Variants in DACH1 observed in about 807,000 individuals in gnomAD.
The protein encoded by DACH1 is dachshund homolog 1.
Under a neutral mutation model 54.2 loss-of-function variants are expected in DACH1, and 12 were observed. That is an observed-to-expected ratio of 0.22 (90% confidence interval 0.14 to 0.36). The LOEUF (loss-of-function observed/expected upper bound fraction) is 0.36, where lower values mean the gene tolerates loss of function less well. Among genes scored for constraint, DACH1 ranks in the 10% least tolerant of loss-of-function variants. The pLI, the probability that DACH1 is intolerant of heterozygous loss-of-function variation, is 1.00. For missense variants in DACH1, 805 were observed against 929.8 expected (o/e 0.87, Z 1.75); for synonymous variants, 386 against 366.2 (o/e 1.05, Z -0.62).
At chr13:71,723,520 G>T (rs567869940) in intron 1 of DACH1, among the ~76,000 whole-genome samples, 1 of 152,194 alleles carries the variant, frequency 6.6e-6, no homozygotes, top group South Asian at 2.1e-4. Flanking sequence ...CAAATAAATA[G>T]GTACCTGAAC....
At chr13:71,668,616 A>T (rs528155183) in intron 2 of DACH1, among the ~76,000 whole-genome samples, 79 of 150,186 alleles carry the variant, frequency 5.3e-4, no homozygotes, top group African/African-American at 1.5e-3. Context: ...ACAAAACAAA[A>T]TTTTTTTTTT....
At chr13:71,706,708 T>C (rs1055687214) in intron 1 of DACH1, among the ~76,000 whole-genome samples, 1 of 152,178 alleles carries the variant, frequency 6.6e-6, no homozygotes, top group Non-Finnish European at 1.5e-5. Context: ...ATCTATTTTT[T>C]TCAGACCAAA....
In DACH1 at chr13:71,572,886, G is replaced by A. The variant is rs989686557; in HGVS notation, c.1253C>T (p.Ala418Val). 1.2e-6 allele frequency: 2 copies of A among 1,613,860 alleles called. No homozygotes were observed. Among genetic ancestry groups the A allele is most frequent in the Non-Finnish European group, 1.7e-6 (2 of 1,179,852 alleles). ...TCTGGATGGGGGACTCTGAACTTGT[G>A]CTGCTGCTGCCATATTTGCAATGGT... ...LSTIANMAAA[A>V]QVQSPPSRVE... The change falls in exon 4 of 11, where the codon GCA (alanine) becomes GTA (valine). Residue 418 changes from alanine (A) to valine (V), a missense_variant. Physicochemically the swap from Ala to Val is moderately conservative, Grantham distance 64 (BLOSUM62 0). Transcript: ENST00000613252.
chr13:71,503,159 C>CA (rs1880055261), intron 6 of DACH1, among the ~76,000 whole-genome samples: 1 of 152,076 alleles, frequency 6.6e-6, no homozygotes, highest in African/African-American at 2.4e-5. Context: ...CAACTGATTA[C>CA]AAGTATATAT....
At chr13:71,712,288 A>C (rs1248716229) in intron 1 of DACH1, among the ~76,000 whole-genome samples, 1 of 151,922 alleles carries the variant, frequency 6.6e-6, no homozygotes. Flanking sequence ...TTTTTTTTGA[A>C]TATCAATTCA....
chr13:71,832,161 A>AT (rs1204707728), intron 1 of DACH1, among the ~76,000 whole-genome samples: 1 of 151,920 alleles, frequency 6.6e-6, no homozygotes, highest in East Asian at 1.9e-4. Flanking sequence ...TCTTTCTAAG[A>AT]TTTTCTCGTT....
intron 3 of DACH1, among the ~76,000 whole-genome samples, chr13:71,583,540 A>G (rs535484226): frequency 1.2e-4 from 18 of 152,262 alleles, no homozygotes; most frequent in African/African-American, 3.4e-4. Flanking sequence ...AAATCTACCT[A>G]TTAAAAATAA....
intron 6 of DACH1, among the ~76,000 whole-genome samples, chr13:71,510,088 A>C (rs995156480): frequency 6.6e-6 from 1 of 151,964 alleles, no homozygotes; most frequent in African/African-American, 2.4e-5. Flanking sequence ...CATTCTTGAC[A>C]CCCTTTCTTA....
chr13:71,864,386 A>G (rs1214935951), intron 1 of DACH1, among the ~76,000 whole-genome samples: 2 of 152,104 alleles, frequency 1.3e-5, no homozygotes, highest in Non-Finnish European at 2.9e-5. Context: ...CTAACAGAGA[A>G]GAAGTCTTTC....
chr13:71,496,306 T>TATATATATATATATATATAC (rs1217159359), intron 6 of DACH1, among the ~76,000 whole-genome samples: 1 of 46,114 alleles, frequency 2.2e-5, no homozygotes, highest in Non-Finnish European at 4.2e-5. Flanking sequence ...TATATATATA[T>TATATATATATATATATATAC]ACACACACAA....
intron 3 of DACH1, among the ~76,000 whole-genome samples, chr13:71,605,861 T>C (rs1874843421): frequency 6.6e-6 from 1 of 151,972 alleles, no homozygotes; most frequent in Non-Finnish European, 1.5e-5. Context: ...TTGTTGAACA[T>C]TGCTGATGAA....
At chr13:71,458,220 T>G (rs1875756394) in intron 10 of DACH1, among the ~76,000 whole-genome samples, 1 of 151,946 alleles carries the variant, frequency 6.6e-6, no homozygotes, top group Non-Finnish European at 1.5e-5. Flanking sequence ...AGGCCAGATT[T>G]TAACTTTAAT....
chr13:71,557,082 C>G lies in DACH1; in HGVS notation c.1512G>C (p.Glu504Asp), dbSNP rs184827046. 83 of 1,611,634 alleles carry G rather than the reference C, an allele frequency of 5.2e-5. No homozygotes were observed. Among genetic ancestry groups the G allele is most frequent in the Admixed American group, 3.7e-4 (22 of 59,720 alleles). Residue 504 changes from glutamate to aspartate, a missense_variant, in exon 6 of 11, where the codon GAG becomes GAC. Glu to Asp is a conservative substitution (Grantham distance 45). This residue lies in a region of DACH1 where 472 missense variants were observed against 545.3 expected (regional missense o/e 0.87). Coordinates refer to ENST00000613252, the MANE Select transcript of DACH1 (RefSeq NM_080759.6). ...CCATGTCATGACCGGCCAAATCTCC[C>G]TCTTTGGGCCCAGGAAGTACATTTG... ...LSPNVLPGPKEGDLAGHDMGH... is the reference protein window; with the variant it reads ...LSPNVLPGPKDGDLAGHDMGH...
chr13:71,801,518 C>A (rs1461891798), intron 1 of DACH1, among the ~76,000 whole-genome samples: 1 of 152,044 alleles, frequency 6.6e-6, no homozygotes, highest in Admixed American at 6.6e-5. Flanking sequence ...TTTAGAACAT[C>A]ATGATTCATT....
chr13:71,726,282 TATC>T (rs1490596115), intron 1 of DACH1, among the ~76,000 whole-genome samples: 18 of 152,158 alleles, frequency 1.2e-4, no homozygotes, highest in Admixed American at 2.0e-4. Flanking sequence ...TAGGCACTAG[TATC>T]ATTACTGAGA....
chr13:71,565,903 T>C (rs536281698), intron 4 of DACH1, among the ~76,000 whole-genome samples: 4 of 152,182 alleles, frequency 2.6e-5, no homozygotes, highest in African/African-American at 9.6e-5. Context: ...TAATATAAAT[T>C]TGCTTTAAGC....
intron 1 of DACH1, among the ~76,000 whole-genome samples, chr13:71,744,464 G>C (rs1884525551): frequency 6.6e-6 from 1 of 152,184 alleles, no homozygotes; most frequent in South Asian, 2.1e-4. Context: ...GAGGACGGTA[G>C]AGCCAGAAGT....
At chr13:71,865,470 A>G (rs1461345280) in intron 1 of DACH1, among the ~76,000 whole-genome samples, 3 of 152,052 alleles carry the variant, frequency 2.0e-5, no homozygotes, top group Non-Finnish European at 4.4e-5. Context: ...GCTCGGCGCC[A>G]CAGATCAGCC....
intron 1 of DACH1, among the ~76,000 whole-genome samples, chr13:71,807,385 T>C (rs1887543871): frequency 6.9e-6 from 1 of 144,938 alleles, no homozygotes; most frequent in South Asian, 2.1e-4. Context: ...CCCCTGTCAT[T>C]TTATAACGTT....
Sources: gnomAD v4.1 joint callset for allele counts (sites outside exome capture counted in the v4.1 genomes callset) on GRCh38, gnomAD v4.1.1 for gene constraint, gnomAD v4.1.1 regional missense constraint, MANE v1.5 for transcripts, NCBI Gene and HGNC (gene_info 2026-07-23, HGNC 2026-07-21) for gene names.